EXOSC4: variants seen among roughly 807,000 people sequenced by gnomAD.
EXOSC4 encodes exosome component 4.
Under a neutral mutation model 20.0 loss-of-function variants are expected in EXOSC4, and 14 were observed. The observed-to-expected ratio is 0.70, with a 90% CI of 0.46 to 1.09. The LOEUF is 1.09. EXOSC4 is among the 50% of genes least tolerant of loss of function. The probability of loss-of-function intolerance (pLI) is 0.00; values close to 1 mark genes in which losing one functional copy is unlikely to be tolerated. For synonymous variants in EXOSC4, 148 were observed against 146.4 expected (o/e 1.01, Z -0.08); for missense variants, 337 against 334.0 (o/e 1.01, Z -0.07).
At chr8:144,066,462 G>A in the EXOSC4 span, among the ~76,000 whole-genome samples, 4 of 106,544 alleles carry the variant, frequency 3.8e-5, no homozygotes, top group African/African-American at 1.2e-4. Context: ...TTTTTTTTGA[G>A]ACAGAGTCTC....
At chr8:144,074,313 A>G (rs1554762480), upstream of EXOSC4, among the ~76,000 whole-genome samples, 1 of 152,140 alleles carries the variant, frequency 6.6e-6, no homozygotes, top group East Asian at 1.9e-4. Flanking sequence ...TGTGGGGTCC[A>G]GCTCCCGGGA....
At chr8:144,073,285 C>G in the EXOSC4 span, among the ~76,000 whole-genome samples, 1 of 152,136 alleles carries the variant, frequency 6.6e-6, no homozygotes. Flanking sequence ...ACTTGGGAAG[C>G]TGAGGCAGGA....
upstream of EXOSC4, among the ~76,000 whole-genome samples, chr8:144,074,764 G>A (rs1037523717): frequency 6.6e-6 from 1 of 152,036 alleles, no homozygotes; most frequent in African/African-American, 2.4e-5. Flanking sequence ...TGTAGAGATA[G>A]TGTGTCACTA....
chr8:144,074,455 G>C (rs997411366), upstream of EXOSC4, among the ~76,000 whole-genome samples: 11 of 152,192 alleles, frequency 7.2e-5, no homozygotes, highest in Non-Finnish European at 1.6e-4. Flanking sequence ...TGCATGTCAT[G>C]ACACAACAAG....
the EXOSC4 span, among the ~76,000 whole-genome samples, chr8:144,065,373 CCT>C: frequency 1.3e-5 from 2 of 152,004 alleles, no homozygotes; most frequent in African/African-American, 4.8e-5. Flanking sequence ...GGGCAGTGCC[CCT>C]GAGACTAGTG....
the EXOSC4 span, among the ~76,000 whole-genome samples, chr8:144,069,352 T>C: frequency 1.3e-5 from 2 of 152,256 alleles, no homozygotes; most frequent in South Asian, 2.1e-4. Context: ...ATGAGTCTTA[T>C]GGGGCTAAAA....
upstream of EXOSC4, among the ~76,000 whole-genome samples, chr8:144,074,006 C>T (rs1458502162): frequency 1.3e-5 from 2 of 152,168 alleles, no homozygotes; most frequent in African/African-American, 2.4e-5. Context: ...TGGATGTCAG[C>T]CCCTTCCAGG....
the EXOSC4 span, among the ~76,000 whole-genome samples, chr8:144,065,234 T>C: frequency 4.6e-5 from 7 of 152,204 alleles, no homozygotes; most frequent in Admixed American, 3.9e-4. Context: ...TTTTACATCA[T>C]TTTTCTCTTT....
intron 1 of EXOSC4, 167 bp from the exon 2 acceptor site, chr8:144,079,776 G>A (rs781799108): frequency 1.4e-5 from 11 of 767,258 alleles, no homozygotes; most frequent in Non-Finnish European, 9.3e-6. Flanking sequence ...GGTGCCAGAG[G>A]GCGACACATG....
intron 1 of EXOSC4, chr8:144,079,126 G>T: frequency 2.2e-6 from 1 of 445,110 alleles, no homozygotes; most frequent in Non-Finnish European, 3.8e-6. Flanking sequence ...TCCTCTTTGC[G>T]GCTCTTCAAC....
the EXOSC4 span, among the ~76,000 whole-genome samples, chr8:144,070,523 C>CAAAA: frequency 1.1e-5 from 1 of 93,090 alleles, no homozygotes; most frequent in Non-Finnish European, 2.2e-5. Flanking sequence ...AACTCCATCT[C>CAAAA]AAAAAAAAAA....
chr8:144,075,057 G>T (rs1417977956), upstream of EXOSC4, among the ~76,000 whole-genome samples: 3 of 151,886 alleles, frequency 2.0e-5, no homozygotes, highest in Non-Finnish European at 2.9e-5. Flanking sequence ...CATTTTCTTG[G>T]TTTTTGTTTA....
chr8:144,080,080 C>A lies in EXOSC4; in HGVS notation c.309C>A (p.Leu103=). The change falls in exon 2 of 3, where the codon CTC becomes CTA. Residue 103 remains leucine (L), a synonymous_variant. Transcript: ENST00000316052. The surrounding 1 kb of genome is among the most constrained non-coding windows in gnomAD (Gnocchi z 4.9). ...AGTCCTGTGAGATGGGCCTGCAGCT[C>A]CGCCAGACTTTCGAAGCAGCCATCC... The part of the protein sequence containing the change: ...DRKSCEMGLQ[L]RQTFEAAILT... The A allele has an allele frequency of 6.2e-7, 1 of 1,614,124 alleles. No individual in the cohort carries two copies. The highest frequency in any genetic ancestry group is 8.5e-7 in the Non-Finnish European group (1 of 1,180,034).
the EXOSC4 span, among the ~76,000 whole-genome samples, chr8:144,066,516 A>C: frequency 7.4e-5 from 10 of 135,326 alleles, no homozygotes; most frequent in African/African-American, 2.6e-4. Context: ...ATCTCGGCTC[A>C]CTGCAACCTC....
Position 144,080,555 on chromosome 8 carries a change from TG to T in EXOSC4, c.694del (p.Val232SerfsTer?). The T allele has an allele frequency of 6.2e-7, 1 of 1,600,388 alleles. No individual in the cohort carries two copies. Among genetic ancestry groups the T allele is most frequent in the Non-Finnish European group, 8.5e-7 (1 of 1,179,886 alleles). On this transcript the variant is annotated frameshift_variant, in exon 3 of 3. Coordinates refer to ENST00000316052, the MANE Select transcript of EXOSC4 (RefSeq NM_019037.3). LOFTEE classifies it high-confidence loss of function. The surrounding 1 kb of genome is among the most constrained non-coding windows in gnomAD (Gnocchi z 4.9). ...ARDVHTLLDR[V>X]VRQHVREASI... The stretch of plus-strand genomic sequence containing the variant: ...GATGTGCACACCCTCTTAGATCGAG[TG>T]GTCCGGCAGCATGTGCGTGAGGCCT...
upstream of EXOSC4, among the ~76,000 whole-genome samples, chr8:144,075,258 G>A (rs1358758981): frequency 3.4e-5 from 5 of 147,786 alleles, no homozygotes; most frequent in South Asian, 4.3e-4. Context: ...ACAGAGTCTC[G>A]CTCTGTCGCC....
the EXOSC4 span, among the ~76,000 whole-genome samples, chr8:144,071,110 A>G: frequency 2.0e-5 from 3 of 151,716 alleles, no homozygotes; most frequent in African/African-American, 7.3e-5. Context: ...GCCATCGGCC[A>G]ATCCTAACCC....
the EXOSC4 span, among the ~76,000 whole-genome samples, chr8:144,069,235 T>C: frequency 6.6e-6 from 1 of 152,178 alleles, no homozygotes; most frequent in African/African-American, 2.4e-5. Flanking sequence ...GGCTGAGTGG[T>C]TGGGTGTGCT....
At chr8:144,069,514 C>G in the EXOSC4 span, among the ~76,000 whole-genome samples, 1 of 152,236 alleles carries the variant, frequency 6.6e-6, no homozygotes, top group Non-Finnish European at 1.5e-5. Flanking sequence ...TTCTCTTCTC[C>G]TGTAGTCAAA....
Sources: allele counts gnomAD v4.1 joint callset (sites outside exome capture counted in the v4.1 genomes callset), GRCh38; gene constraint gnomAD v4.1.1; non-coding constraint Gnocchi (gnomAD v3.1); transcripts MANE v1.5; gene names NCBI Gene and HGNC (gene_info 2026-07-23, HGNC 2026-07-21).